NIPAL2: variants seen among roughly 807,000 people sequenced by gnomAD.
The protein encoded by NIPAL2 is NIPA like domain containing 2.
A neutral mutation model predicts 48.9 loss-of-function variants in NIPAL2; 43 were observed. The observed-to-expected ratio is 0.88, with a 90% CI of 0.69 to 1.13. The LOEUF is 1.13. NIPAL2 is among the 50% of genes most tolerant of loss of function. NIPAL2 has a pLI of 0.00. For synonymous variants in NIPAL2, 167 were observed against 174.6 expected (o/e 0.96, Z 0.34); for missense variants, 446 against 461.4 (o/e 0.97, Z 0.31).
At chr8:98,236,706 G>T (rs1283066029) in intron 3 of NIPAL2, among the ~76,000 whole-genome samples, 1 of 151,830 alleles carries the variant, frequency 6.6e-6, no homozygotes, top group Non-Finnish European at 1.5e-5. Context: ...CAAAAAATTA[G>T]TGGGGCATGG....
At chr8:98,276,745 C>T (rs1453480915) in intron 1 of NIPAL2, among the ~76,000 whole-genome samples, 1 of 151,652 alleles carries the variant, frequency 6.6e-6, no homozygotes, top group Non-Finnish European at 1.5e-5. Context: ...CCATGTTTAC[C>T]CATTTCTTTC....
chr8:98,196,756 A>G (rs2130685878), intron 8 of NIPAL2, among the ~76,000 whole-genome samples: 1 of 152,358 alleles, frequency 6.6e-6, no homozygotes, highest in South Asian at 2.1e-4. Flanking sequence ...TATCCTTGTT[A>G]GCCAGCCAAC....
intron 6 of NIPAL2, among the ~76,000 whole-genome samples, chr8:98,210,330 A>G (rs1811250232): frequency 6.6e-6 from 1 of 152,178 alleles, no homozygotes; most frequent in South Asian, 2.1e-4. Flanking sequence ...AATATGCTGC[A>G]ATTAAATCTT....
chr8:98,255,975 C>T (rs1485926885), intron 1 of NIPAL2, among the ~76,000 whole-genome samples: 1 of 151,542 alleles, frequency 6.6e-6, no homozygotes, highest in Non-Finnish European at 1.5e-5. Context: ...AAAGCATAGG[C>T]ATTGAAAAAA....
intron 4 of NIPAL2, among the ~76,000 whole-genome samples, chr8:98,225,037 G>T (rs10087941): frequency 0.73 from 111,245 of 152,052 alleles, 42,106 homozygotes; most frequent in South Asian, 0.84. Flanking sequence ...GATTACAGGA[G>T]TGAGCCACCG....
intron 3 of NIPAL2, among the ~76,000 whole-genome samples, chr8:98,236,555 GA>G (rs1812725232): frequency 1.3e-5 from 2 of 152,118 alleles, no homozygotes; most frequent in Non-Finnish European, 2.9e-5. Flanking sequence ...GACAGGAAGA[GA>G]TAGGAAGGAA....
chr8:98,294,182 G>C lies in NIPAL2; in HGVS notation c.-45C>G. ...TCGGGCTCCGGCTCGGGCTGCGGCC[G>C]CCTCCCCGCCCTGTTGCACCGCGAG... is the stretch of plus-strand genomic sequence containing the variant. On this transcript the variant is annotated 5_prime_UTR_variant, in exon 1 of 11. Transcript: ENST00000430223. The C allele has an allele frequency of 7.6e-7, 1 of 1,307,856 alleles. No individual in the cohort carries two copies. The highest frequency in any genetic ancestry group is 9.7e-7 in the Non-Finnish European group (1 of 1,030,516). 81.0% of individuals were successfully genotyped at this position (1,307,856 alleles called of 1,614,324 possible).
intron 1 of NIPAL2, among the ~76,000 whole-genome samples, chr8:98,283,813 C>T (rs539590722): frequency 2.3e-4 from 35 of 152,318 alleles, no homozygotes; most frequent in Non-Finnish European, 4.1e-4. Flanking sequence ...CTAAACTCTA[C>T]AGCCTATATC....
chr8:98,251,529 T>A (rs1299786720), intron 3 of NIPAL2: 2 of 152,178 alleles, frequency 1.3e-5, no homozygotes, highest in African/African-American at 4.8e-5. Context: ...AAAGTAAGTG[T>A]TTTTTGCTAA....
rs368207234 is a variant in NIPAL2 at position 98,252,533 on chromosome 8, C to T, written c.306G>A (p.Thr102=). ...CAAATCCATAGGCTGCAAAGTTCCC[C>T]GTCTCTCCCACGGCCATCAGCAGGA... ...GGVLLMAVGE[T]GNFAAYGFAP... is the part of the protein sequence containing the mutation. The change falls in exon 3 of 11, where the codon ACG becomes ACA. Residue 102 remains threonine, a synonymous_variant. Coordinates refer to ENST00000430223, the MANE Select transcript of NIPAL2 (RefSeq NM_001321635.2). 30 of 1,613,926 alleles carry T rather than the reference C, an allele frequency of 1.9e-5. No homozygotes were observed. The South Asian group carries it at 2.2e-4, about 12-fold the overall frequency.
rs991465234 is a variant in NIPAL2 at position 98,252,706 on chromosome 8, T to C, written c.205-72A>G. 11 of 1,318,062 alleles carry C rather than the reference T, an allele frequency of 8.3e-6. No homozygotes were observed. The African/African-American group carries it at 1.2e-4, about 15-fold the overall frequency. 81.6% of individuals were successfully genotyped at this position (1,318,062 alleles called of 1,614,324 possible). On this transcript the variant is annotated intron_variant, in intron 2 of 10. Coordinates refer to ENST00000430223, the MANE Select transcript of NIPAL2 (RefSeq NM_001321635.2). ...GGGGAATGCCACTTTTTTTCTTTTGTATTCCTTTAATTCTTTTTATAAGAA... is the reference window on the plus strand; with the variant it reads ...GGGGAATGCCACTTTTTTTCTTTTGCATTCCTTTAATTCTTTTTATAAGAA...
intron 5 of NIPAL2, among the ~76,000 whole-genome samples, chr8:98,220,267 T>C (rs931445768): frequency 6.6e-6 from 1 of 152,192 alleles, no homozygotes; most frequent in Non-Finnish European, 1.5e-5. Context: ...CATGTCCCTG[T>C]AAATGCCAAT....
At position 98,250,236 on chromosome 8, in the gene NIPAL2, A is replaced by G. The variant is rs538791516; in HGVS notation, c.376+2227T>C. On this transcript the variant is annotated intron_variant, in intron 3 of 10. Transcript: ENST00000430223. ...TTATTAAAATTCAACGGGAGATTTG[A>G]TTTCTTAAAGCTCCCAATAAATGAT... 3.3e-5 allele frequency among the ~76,000 whole-genome samples: 5 copies of G among 152,302 alleles called. No homozygotes were observed. The South Asian group carries it at 1.0e-3, about 32-fold the overall frequency.
chr8:98,209,425 A>G (rs1811197186), intron 6 of NIPAL2, among the ~76,000 whole-genome samples: 1 of 135,622 alleles, frequency 7.4e-6, no homozygotes, highest in African/African-American at 2.8e-5. Flanking sequence ...CCCGGGCAGC[A>G]TGGGGATACC....
At position 98,252,654 on chromosome 8, in the gene NIPAL2, C is replaced by CAAAT. The variant is rs1476740782; in HGVS notation, c.205-24_205-21dup. ...ATATTTCTGAAAGTAAATCAGAAGA[C>CAAAT]AAATAAGAAAACATTCTGAGCTATG... On this transcript the variant is annotated intron_variant, in intron 2 of 10. Coordinates refer to ENST00000430223, the MANE Select transcript of NIPAL2 (RefSeq NM_001321635.2). 1 of 1,596,096 alleles carries CAAAT rather than the reference C, an allele frequency of 6.3e-7. No individual in the cohort carries two copies. The highest frequency in any genetic ancestry group is 1.8e-5 in the Admixed American group (1 of 56,124).
chr8:98,260,584 G>A (rs1277710612), intron 1 of NIPAL2, among the ~76,000 whole-genome samples: 1 of 152,150 alleles, frequency 6.6e-6, no homozygotes, highest in Non-Finnish European at 1.5e-5. Context: ...CTTAAAAAAC[G>A]GCGCACCACG....
At position 98,266,595 on chromosome 8, in the gene NIPAL2, T is replaced by G. The variant is rs147500711; in HGVS notation, c.136-12508A>C. ...AGCCATTCAAAGATTGTGAAGGCCATGTCTAAATCCTGTGATCCAACAATG... is the reference window on the plus strand; with the variant it reads ...AGCCATTCAAAGATTGTGAAGGCCAGGTCTAAATCCTGTGATCCAACAATG... On this transcript the variant is annotated intron_variant, in intron 1 of 10. Transcript: ENST00000430223. 3.2e-3 allele frequency among the ~76,000 whole-genome samples: 476 copies of G among 148,264 alleles called. 1 individual carries two copies. Among genetic ancestry groups the G allele is most frequent in the African/African-American group, 0.011 (444 of 40,506 alleles).
rs201901347 is a variant in NIPAL2 at position 98,286,824 on chromosome 8, A to AC, written c.135+7178_135+7179insG. Among the ~76,000 whole-genome samples, 1,052 of 145,918 alleles carry AC rather than the reference A, an allele frequency of 7.2e-3. 19 individuals carry two copies. The highest frequency in any genetic ancestry group is 0.024 in the African/African-American group (920 of 38,010). On this transcript the variant is annotated intron_variant, in intron 1 of 10. Transcript: ENST00000430223. ...AGTGAGACTCTGTCAAAAAAAAAAA[A>AC]AAAAAAAAAACCAAAAACAAACAAA...
intron 3 of NIPAL2, among the ~76,000 whole-genome samples, chr8:98,239,120 A>T (rs1403490682): frequency 6.6e-6 from 1 of 152,214 alleles, no homozygotes; most frequent in African/African-American, 2.4e-5. Flanking sequence ...ACTACAAAGG[A>T]TTATAGTAAG....
Sources: allele counts gnomAD v4.1 joint callset (sites outside exome capture counted in the v4.1 genomes callset), GRCh38; gene constraint gnomAD v4.1.1; transcripts MANE v1.5; gene names NCBI Gene and HGNC (gene_info 2026-07-23, HGNC 2026-07-21).